The following CDH18 variants were observed in gnomAD, a reference collection of about 807,000 sequenced individuals.
The protein encoded by CDH18 is cadherin-18.
Under a neutral mutation model 67.9 loss-of-function variants are expected in CDH18, and 31 were observed. That is an observed-to-expected ratio of 0.46 (90% confidence interval 0.34 to 0.62). The LOEUF is 0.62. Ranked by LOEUF, CDH18 falls within the 20% of genes least tolerant of loss-of-function variation. The pLI, the probability that CDH18 is intolerant of heterozygous loss-of-function variation, is 0.01. For missense variants in CDH18, 890 were observed against 975.5 expected, an observed-to-expected ratio of 0.91 and a Z score of 1.17; for synonymous variants, 362 against 347.2, an observed-to-expected ratio of 1.04 and a Z score of -0.48.
At chr5:20,558,809 A>AT (rs1561129859) in intron 1 of CDH18, among the ~76,000 whole-genome samples, 1 of 151,960 alleles carries the variant, frequency 6.6e-6, no homozygotes, top group Non-Finnish European at 1.5e-5. Flanking sequence ...GGCCAGTAAG[A>AT]TTTTTTAATA....
intron 9 of CDH18, among the ~76,000 whole-genome samples, chr5:19,522,965 C>T (rs347730): frequency 0.41 from 60,967 of 149,562 alleles, 12,639 homozygotes; most frequent in South Asian, 0.51. Context: ...TAACACCCTA[C>T]GACTATGTCA....
intron 2 of CDH18, among the ~76,000 whole-genome samples, chr5:20,043,709 A>G (rs932150300): frequency 6.6e-6 from 1 of 152,210 alleles, no homozygotes; most frequent in Non-Finnish European, 1.5e-5. Context: ...GTAAATAGCA[A>G]TATCTTGGAT....
chr5:19,597,066 G>C (rs1247784398), intron 6 of CDH18, among the ~76,000 whole-genome samples: 2 of 152,140 alleles, frequency 1.3e-5, no homozygotes, highest in African/African-American at 4.8e-5. Context: ...AAAGACTGTG[G>C]CTTCTATCAT....
At chr5:19,829,416 C>A (rs910488208) in intron 3 of CDH18, among the ~76,000 whole-genome samples, 1 of 152,080 alleles carries the variant, frequency 6.6e-6, no homozygotes, top group African/African-American at 2.4e-5. Flanking sequence ...TATACAAGAA[C>A]AACATCCAAG....
intron 2 of CDH18, among the ~76,000 whole-genome samples, chr5:20,061,404 G>T (rs1054023194): frequency 1.9e-4 from 29 of 152,110 alleles, no homozygotes; most frequent in African/African-American, 7.0e-4. Context: ...AATACACATT[G>T]ACCAAATTAA....
At position 19,785,256 on chromosome 5, in the gene CDH18, C is replaced by T. The variant is rs112017195; in HGVS notation, c.229-38020G>A. 2.0e-3 allele frequency among the ~76,000 whole-genome samples: 306 copies of T among 152,170 alleles called. 2 individuals are homozygous for T. The highest frequency in any genetic ancestry group is 3.7e-3 in the Non-Finnish European group (252 of 67,996). On this transcript the variant is annotated intron_variant, in intron 3 of 12. Coordinates refer to ENST00000382275, the MANE Select transcript of CDH18 (RefSeq NM_004934.5). ...ATATTTGTTAAATGAATACATGTCTCTAGCTTTCAGGACTGATCCATCACA... is the reference window on the plus strand; with the variant it reads ...ATATTTGTTAAATGAATACATGTCTTTAGCTTTCAGGACTGATCCATCACA...
chr5:19,928,882 A>G (rs1283209670), intron 2 of CDH18, among the ~76,000 whole-genome samples: 2 of 152,088 alleles, frequency 1.3e-5, no homozygotes, highest in Non-Finnish European at 2.9e-5. Flanking sequence ...GACTAGCAAT[A>G]TCCCATTTTA....
At chr5:20,155,991 T>C (rs1353611970) in intron 2 of CDH18, among the ~76,000 whole-genome samples, 1 of 152,042 alleles carries the variant, frequency 6.6e-6, no homozygotes, top group Non-Finnish European at 1.5e-5. Context: ...ATACGCAACA[T>C]CACTTATCAT....
chr5:19,576,126 C>T (rs1018878350), intron 7 of CDH18, among the ~76,000 whole-genome samples: 8 of 151,938 alleles, frequency 5.3e-5, no homozygotes, highest in African/African-American at 1.9e-4. Flanking sequence ...AATGTAAGAC[C>T]TAAAACGATA....
At chr5:20,310,338 C>G (rs1446614905) in intron 1 of CDH18, among the ~76,000 whole-genome samples, 1 of 152,158 alleles carries the variant, frequency 6.6e-6, no homozygotes, top group African/African-American at 2.4e-5. Flanking sequence ...TTAAACTCCA[C>G]AAGCATATAG....
intron 2 of CDH18, among the ~76,000 whole-genome samples, chr5:20,033,718 A>G (rs1739600566): frequency 6.6e-6 from 1 of 152,024 alleles, no homozygotes; most frequent in African/African-American, 2.4e-5. Flanking sequence ...GGCAAACAAT[A>G]TGCATAAGCA....
intron 2 of CDH18, among the ~76,000 whole-genome samples, chr5:20,237,361 A>C (rs1054316931): frequency 6.6e-6 from 1 of 151,972 alleles, no homozygotes; most frequent in Non-Finnish European, 1.5e-5. Context: ...CTGGGCAACC[A>C]AATTAGAAAA....
chr5:20,419,650 TG>T (rs1747692634), intron 1 of CDH18, among the ~76,000 whole-genome samples: 1 of 150,428 alleles, frequency 6.6e-6, no homozygotes, highest in South Asian at 2.1e-4. Flanking sequence ...GCTAATTTTT[TG>T]TATTTTTGGT....
intron 3 of CDH18, among the ~76,000 whole-genome samples, chr5:19,824,661 C>T (rs1180720975): frequency 6.6e-6 from 1 of 152,174 alleles, no homozygotes; most frequent in African/African-American, 2.4e-5. Context: ...AGTAAGATTG[C>T]TTCACTCCTC....
chr5:20,428,803 T>C (rs1748523139), intron 1 of CDH18, among the ~76,000 whole-genome samples: 1 of 149,784 alleles, frequency 6.7e-6, no homozygotes, highest in Non-Finnish European at 1.5e-5. Flanking sequence ...CTTCATTTGC[T>C]ACCTTTTAGT....
At chr5:20,402,491 T>C (rs1377486868) in intron 1 of CDH18, among the ~76,000 whole-genome samples, 1 of 152,156 alleles carries the variant, frequency 6.6e-6, no homozygotes, top group African/African-American at 2.4e-5. Flanking sequence ...ATATCACAGA[T>C]TCGGTTTCAG....
Position 20,095,392 on chromosome 5 carries a change from G to GAAGAAAGAAAGAAAGA in CDH18, c.-517-103394_-517-103379dup, listed in dbSNP as rs746033336. ...AGAAGAAAGAAAGAAAAGAGAAACA[G>GAAGAAAGAAAGAAAGA]AAGAAAGAAAGAAAGAAAGAAAGAA... is the stretch of plus-strand genomic sequence containing the variant. On this transcript the variant is annotated intron_variant, in intron 2 of 14. Transcript: ENST00000507958. 3.9e-3 allele frequency among the ~76,000 whole-genome samples: 253 copies of GAAGAAAGAAAGAAAGA among 64,122 alleles called. 9 individuals are homozygous for GAAGAAAGAAAGAAAGA. The highest frequency in any genetic ancestry group is 4.4e-3 in the Non-Finnish European group (150 of 33,828). The allele number at this position is 64,122 out of a possible 152,430, so 42.1% of individuals were successfully genotyped here. A position where few individuals can be genotyped will look rare whatever the true frequency, so the allele number is the denominator to read the frequency against.
chr5:20,071,179 A>G (rs1229151278), intron 2 of CDH18, among the ~76,000 whole-genome samples: 4 of 152,150 alleles, frequency 2.6e-5, no homozygotes, highest in South Asian at 2.1e-4. Context: ...CTGGCATTTA[A>G]GATTTGGAAA....
At chr5:19,568,409 A>G (rs971440106) in intron 8 of CDH18, among the ~76,000 whole-genome samples, 1 of 152,194 alleles carries the variant, frequency 6.6e-6, no homozygotes, top group African/African-American at 2.4e-5. Flanking sequence ...ATGTGAGAAT[A>G]CGAGACGTTG....
Sources: gnomAD v4.1 joint callset for allele counts (sites outside exome capture counted in the v4.1 genomes callset) on GRCh38, gnomAD v4.1.1 for gene constraint, MANE v1.5 for transcripts, NCBI Gene and HGNC (gene_info 2026-07-23, HGNC 2026-07-21) for gene names.